The following MED12L variants were observed in gnomAD, a reference collection of about 807,000 sequenced individuals.
MED12L encodes the protein mediator of RNA polymerase II transcription subunit 12-like protein.
A neutral mutation model predicts 281.3 loss-of-function variants in MED12L; 60 were observed. The observed-to-expected ratio is 0.21, with a 90% CI of 0.17 to 0.26. The LOEUF (loss-of-function observed/expected upper bound fraction) is 0.26, where lower values mean the gene tolerates loss of function less well. MED12L is among the 10% of genes least tolerant of loss of function. The pLI is 1.00. For missense variants in MED12L, 2,146 were observed against 2,680.9 expected (o/e 0.80, Z 4.41); for synonymous variants, 974 against 987.2 (o/e 0.99, Z 0.25).
At chr3:151,287,157 G>GA (rs1258288162) in intron 16 of MED12L, among the ~76,000 whole-genome samples, 1 of 152,210 alleles carries the variant, frequency 6.6e-6, no homozygotes, top group Non-Finnish European at 1.5e-5. Flanking sequence ...AAAAGTTCTA[G>GA]AAAAGAGTAT....
chr3:151,162,713 A>G (rs1720160047), intron 8 of MED12L, among the ~76,000 whole-genome samples: 1 of 152,172 alleles, frequency 6.6e-6, no homozygotes, highest in South Asian at 2.1e-4. Context: ...CGCTGGGATT[A>G]TATGTGCAAG....
intron 31 of MED12L, among the ~76,000 whole-genome samples, chr3:151,379,648 C>G (rs982250271): frequency 6.6e-5 from 10 of 152,084 alleles, no homozygotes; most frequent in Admixed American, 6.5e-4. Context: ...GGGAAATGTG[C>G]TGAAAAACAA....
intron 16 of MED12L, among the ~76,000 whole-genome samples, chr3:151,246,731 C>T (rs1157400242): frequency 6.6e-6 from 1 of 152,174 alleles, no homozygotes; most frequent in Non-Finnish European, 1.5e-5. Flanking sequence ...ATGTCTAAAA[C>T]ACCAAAAGCA....
chr3:151,173,411 A>G (rs1346833655), intron 11 of MED12L, among the ~76,000 whole-genome samples: 3 of 152,202 alleles, frequency 2.0e-5, no homozygotes, highest in African/African-American at 7.2e-5. Flanking sequence ...TCAGTGAACA[A>G]TATAGCTGAA....
At chr3:151,363,752 C>A (rs1274534619) in intron 21 of MED12L, among the ~76,000 whole-genome samples, 1 of 152,132 alleles carries the variant, frequency 6.6e-6, no homozygotes, top group Admixed American at 6.6e-5. Context: ...TGTGGGAGAT[C>A]TTGTTACACA....
chr3:151,161,290 T>C (rs1719950904), intron 8 of MED12L, among the ~76,000 whole-genome samples: 1 of 152,186 alleles, frequency 6.6e-6, no homozygotes. Context: ...AATGGATATG[T>C]TCAAGAGTTG....
chr3:151,285,642 C>T (rs896506014), intron 16 of MED12L, among the ~76,000 whole-genome samples: 9 of 151,834 alleles, frequency 5.9e-5, no homozygotes, highest in African/African-American at 2.2e-4. Context: ...AGAACTTCTC[C>T]ATGTAACCAA....
In MED12L at chr3:151,169,974, C is replaced by T. The variant is rs145669823; in HGVS notation, c.1494+3992C>T. Among the ~76,000 whole-genome samples the T allele has an allele frequency of 3.5e-3, 536 of 152,284 alleles. 1 individual carries two copies. The highest frequency in any genetic ancestry group is 0.01 in the African/African-American group (422 of 41,552). On this transcript the variant is annotated intron_variant, in intron 11 of 44. Coordinates refer to ENST00000687756, the MANE Select transcript of MED12L (RefSeq NM_001393769.1). Reference sequence around the variant, plus strand: ...TTTCACCCTCCTTGATTCCTTAATTCCCTTTTCTCTGGAACTGCGACAGGG... The same window carrying T: ...TTTCACCCTCCTTGATTCCTTAATTTCCTTTTCTCTGGAACTGCGACAGGG...
intron 43 of MED12L, among the ~76,000 whole-genome samples, chr3:151,423,146 A>G (rs540799025): frequency 2.0e-5 from 3 of 151,320 alleles, no homozygotes. Context: ...CAGCATCCCG[A>G]GTAGCTGGGA....
In MED12L at chr3:151,385,237, A is replaced by G. The variant is rs141678156; in HGVS notation, c.5088+46A>G. The G allele has an allele frequency of 6.6e-4, 662 of 1,004,348 alleles. 4 individuals are homozygous for G. In the African/African-American group the frequency reaches 9.9e-3, roughly 15 times the overall value. The allele number at this position is 1,004,348 out of a possible 1,614,324, so 62.2% of individuals were successfully genotyped here. On this transcript the variant is annotated intron_variant, in intron 36 of 44. Transcript: ENST00000687756. ...TTATATATAAATTTATTTACAAAAG[A>G]TGAAATACTTTTTTTTGTCTTACCA...
intron 12 of MED12L, among the ~76,000 whole-genome samples, chr3:151,186,982 C>T (rs190853867): frequency 1.1e-4 from 17 of 152,288 alleles, no homozygotes; most frequent in Non-Finnish European, 1.9e-4. Context: ...GCTGATATTA[C>T]ACCTCCTTCT....
chr3:151,347,352 TAAG>T (rs1218787783), intron 16 of MED12L, among the ~76,000 whole-genome samples: 1 of 152,228 alleles, frequency 6.6e-6, no homozygotes, highest in African/African-American at 2.4e-5. Flanking sequence ...CATTGCCTAT[TAAG>T]GAGATTATAA....
chr3:151,259,269 A>C (rs1274608226), intron 16 of MED12L, among the ~76,000 whole-genome samples: 1 of 152,194 alleles, frequency 6.6e-6, no homozygotes, highest in African/African-American at 2.4e-5. Flanking sequence ...TTCCTTCAGA[A>C]ATAGGCACTC....
chr3:151,216,068 A>G (rs780917731), intron 16 of MED12L, among the ~76,000 whole-genome samples: 1 of 152,152 alleles, frequency 6.6e-6, no homozygotes, highest in South Asian at 2.1e-4. Flanking sequence ...TCTTTCTCCT[A>G]TCAACACTCC....
At chr3:151,160,206 T>A (rs1381315553) in intron 8 of MED12L, 105 bp downstream of exon 8, 9 of 1,081,864 alleles carry the variant, frequency 8.3e-6, no homozygotes, top group Non-Finnish European at 1.2e-5. Context: ...CAACTCTAGT[T>A]TTTTCCTCAC....
chr3:151,186,246 A>G (rs1355838264), intron 12 of MED12L, among the ~76,000 whole-genome samples: 5 of 152,208 alleles, frequency 3.3e-5, no homozygotes, highest in South Asian at 2.1e-4. Flanking sequence ...AGGGATGGCT[A>G]TGGGGAATGT....
intron 16 of MED12L, among the ~76,000 whole-genome samples, chr3:151,237,064 T>C (rs1338675285): frequency 6.6e-6 from 1 of 151,012 alleles, no homozygotes; most frequent in African/African-American, 2.4e-5. Context: ...TTTTTTTTTT[T>C]TTGAGACGGA....
At chr3:151,384,785 A>T (rs996978708) in intron 35 of MED12L, 1 of 414,004 alleles carries the variant, frequency 2.4e-6, no homozygotes, top group African/African-American at 2.1e-5. Context: ...TCATTTCAGC[A>T]CTATGATGTT....
intron 2 of MED12L, among the ~76,000 whole-genome samples, chr3:151,110,406 AG>A (rs1187628411): frequency 6.6e-6 from 1 of 152,212 alleles, no homozygotes; most frequent in Non-Finnish European, 1.5e-5. Context: ...TTCCTCTAAA[AG>A]GGGTCTATTG....
Sources: gnomAD v4.1 joint callset for allele counts (sites outside exome capture counted in the v4.1 genomes callset) on GRCh38, gnomAD v4.1.1 for gene constraint, MANE v1.5 for transcripts, NCBI Gene and HGNC (gene_info 2026-07-23, HGNC 2026-07-21) for gene names.